Variants in CDH17 observed in about 807,000 individuals in gnomAD.
CDH17 encodes cadherin-17.
A neutral mutation model predicts 86.3 loss-of-function variants in CDH17; 67 were observed. The ratio of observed to expected loss-of-function variants is 0.78; its 90% CI spans 0.64 to 0.95. The LOEUF (loss-of-function observed/expected upper bound fraction) is 0.95. CDH17 is among the 40% of genes least tolerant of loss of function. The pLI is 0.00. For synonymous variants in CDH17, 367 were observed against 366.4 expected (o/e 1.00, Z -0.02); for missense variants, 993 against 1,017.6 (o/e 0.98, Z 0.33).
At chr8:94,184,542 G>A (rs1314948761) in intron 3 of CDH17, among the ~76,000 whole-genome samples, 1 of 152,180 alleles carries the variant, frequency 6.6e-6, no homozygotes, top group East Asian at 1.9e-4. Context: ...TAGAGATCAA[G>A]AGTAGATTAG....
intron 5 of CDH17, among the ~76,000 whole-genome samples, chr8:94,175,362 G>A (rs929995696): frequency 6.6e-6 from 1 of 152,030 alleles, no homozygotes; most frequent in African/African-American, 2.4e-5. Flanking sequence ...CAGCTTCAGG[G>A]ACAGGGACAT....
intron 12 of CDH17, among the ~76,000 whole-genome samples, chr8:94,153,202 C>T (rs190790854): frequency 6.2e-4 from 94 of 152,092 alleles, no homozygotes; most frequent in Non-Finnish European, 1.2e-3. Context: ...AAAACCTAGG[C>T]AAAGGACCTG....
At chr8:94,197,891 T>A in intron 1 of CDH17, among the ~76,000 whole-genome samples, 1 of 150,902 alleles carries the variant, frequency 6.6e-6, no homozygotes, top group East Asian at 1.9e-4. Flanking sequence ...TTCTCAGATA[T>A]AATGAGCTGG....
intron 15 of CDH17, among the ~76,000 whole-genome samples, chr8:94,137,545 C>T (rs1812555270): frequency 6.6e-6 from 1 of 152,136 alleles, no homozygotes; most frequent in South Asian, 2.1e-4. Flanking sequence ...TACAGTCTGT[C>T]ATGGCTTCCC....
intron 11 of CDH17, among the ~76,000 whole-genome samples, chr8:94,161,781 G>A (rs1813057501): frequency 2.0e-5 from 3 of 152,138 alleles, no homozygotes; most frequent in Admixed American, 2.0e-4. Flanking sequence ...ATGACAAACT[G>A]TAAGCCGCCA....
At chr8:94,212,804 G>T (rs1031975731), upstream of CDH17, among the ~76,000 whole-genome samples, 10 of 152,218 alleles carry the variant, frequency 6.6e-5, no homozygotes, top group Non-Finnish European at 1.3e-4. Context: ...CCAAGCAACT[G>T]CCCAGCAGGC....
At chr8:94,176,436 T>C in intron 5 of CDH17, 105 bp downstream of exon 5, 6 of 1,198,860 alleles carry the variant, frequency 5.0e-6, no homozygotes, top group African/African-American at 1.5e-5. Context: ...GTAGGTAAGA[T>C]AGTGCTTATT....
intron 15 of CDH17, among the ~76,000 whole-genome samples, chr8:94,133,929 T>C (rs940017614): frequency 3.7e-4 from 57 of 152,314 alleles, no homozygotes; most frequent in Non-Finnish European, 6.8e-4. Flanking sequence ...ATTTTTGTCA[T>C]TGGTTTTTCT....
At chr8:94,174,077 C>A in intron 6 of CDH17, 25 bp downstream of exon 6, 1 of 1,612,284 alleles carries the variant, frequency 6.2e-7, no homozygotes, top group South Asian at 1.1e-5. Context: ...TCGAGACAGT[C>A]CTACCAGGGC....
At chr8:94,195,014 T>C (rs540875760) in intron 1 of CDH17, among the ~76,000 whole-genome samples, 1 of 152,162 alleles carries the variant, frequency 6.6e-6, no homozygotes, top group African/African-American at 2.4e-5. Flanking sequence ...TGTTTTGGGG[T>C]TTTTGGAAAC....
intron 1 of CDH17, chr8:94,202,650 C>T (rs928355563): frequency 1.3e-5 from 2 of 156,420 alleles, no homozygotes; most frequent in Non-Finnish European, 2.8e-5. Flanking sequence ...TCTCGAGGGC[C>T]GTGCTGGCTC....
chr8:94,171,394 A>G (rs1428679002), intron 7 of CDH17, among the ~76,000 whole-genome samples: 1 of 152,190 alleles, frequency 6.6e-6, no homozygotes, highest in Non-Finnish European at 1.5e-5. Context: ...GAAGATGAAC[A>G]GGGGCAATAG....
intron 12 of CDH17, among the ~76,000 whole-genome samples, chr8:94,153,570 C>T (rs979291992): frequency 3.3e-5 from 5 of 152,172 alleles, no homozygotes; most frequent in African/African-American, 9.7e-5. Flanking sequence ...CAGCATCATT[C>T]ACAATAGCCA....
chr8:94,170,616 T>G, intron 8 of CDH17, 69 bp from the exon 9 acceptor site: 1 of 1,531,534 alleles, frequency 6.5e-7, no homozygotes, highest in Non-Finnish European at 8.9e-7. Flanking sequence ...GAGAAAATCG[T>G]TGTTTCATTT....
chr8:94,210,353 C>T (rs117174844), upstream of CDH17, among the ~76,000 whole-genome samples: 20 of 152,106 alleles, frequency 1.3e-4, no homozygotes, highest in East Asian at 3.9e-3. Context: ...TCTCTAGCCC[C>T]CAGCTTCCAG....
At position 94,134,732 on chromosome 8, in the gene CDH17, G is replaced by C. The variant is rs968116504; in HGVS notation, c.2168-3740C>G. ...GAATGTGTTTGCTCTTTCTTCTCTA[G>C]TTCTTTTCATTGTGATGTTAGGGTG... On this transcript the variant is annotated intron_variant, in intron 15 of 17. Coordinates refer to ENST00000027335, the MANE Select transcript of CDH17 (RefSeq NM_004063.4). Among the ~76,000 whole-genome samples the C allele has an allele frequency of 4.6e-5, 7 of 152,002 alleles. No individual in the cohort carries two copies. In the South Asian group the frequency reaches 1.5e-3, roughly 32 times the overall value.
chr8:94,138,722 G>T (rs982309899), intron 15 of CDH17, among the ~76,000 whole-genome samples: 1 of 152,110 alleles, frequency 6.6e-6, no homozygotes, highest in Non-Finnish European at 1.5e-5. Flanking sequence ...AATCATTCCT[G>T]GTCCCTAGAG....
intron 5 of CDH17, 86 bp downstream of exon 5, chr8:94,176,455 G>T: frequency 1.4e-6 from 2 of 1,404,064 alleles, no homozygotes; most frequent in African/African-American, 1.4e-5. Flanking sequence ...TTGAGTGACA[G>T]CTGCAGCTAT....
intron 17 of CDH17, 90 bp downstream of exon 17, chr8:94,130,536 A>T: frequency 1.2e-6 from 1 of 835,936 alleles, no homozygotes; most frequent in Non-Finnish European, 1.9e-6. Context: ...TTGAGCAGCC[A>T]CCAGACCAGT....
Sources: allele counts gnomAD v4.1 joint callset (sites outside exome capture counted in the v4.1 genomes callset), GRCh38; gene constraint gnomAD v4.1.1; transcripts MANE v1.5; gene names NCBI Gene and HGNC (gene_info 2026-07-23, HGNC 2026-07-21).